PRKCE: variants seen among roughly 807,000 people sequenced by gnomAD.
The protein encoded by PRKCE is protein kinase C epsilon.
A neutral mutation model predicts 85.4 loss-of-function variants in PRKCE; 16 were observed. That is an observed-to-expected ratio of 0.19 (90% CI 0.13 to 0.28). The LOEUF is 0.28. Ranked by LOEUF, PRKCE falls within the 10% of genes least tolerant of loss-of-function variation. The pLI, the probability that PRKCE is intolerant of heterozygous loss-of-function variation, is 1.00. For synonymous variants in PRKCE, 388 were observed against 371.5 expected (o/e 1.04, Z -0.51); for missense variants, 573 against 975.2 (o/e 0.59, Z 5.49).
At chr2:45,795,851 G>A (rs910337442) in intron 1 of PRKCE, among the ~76,000 whole-genome samples, 11 of 152,148 alleles carry the variant, frequency 7.2e-5, no homozygotes, top group Non-Finnish European at 1.0e-4. Flanking sequence ...GAGACCCCCC[G>A]CAGAGTTGTC....
chr2:45,886,117 C>A (rs898534497), intron 2 of PRKCE, among the ~76,000 whole-genome samples: 2 of 152,238 alleles, frequency 1.3e-5, no homozygotes, highest in African/African-American at 4.8e-5. Flanking sequence ...GGAACTCTTA[C>A]CTGTCCGGGC....
rs79905932 is a variant in PRKCE at position 45,788,363 on chromosome 2, A to G, written c.349-54637A>G. Among the ~76,000 whole-genome samples, 1,424 of 152,328 alleles carry G rather than the reference A, an allele frequency of 9.3e-3. 22 individuals are homozygous for G. Among genetic ancestry groups the G allele is most frequent in the East Asian group, 0.021 (111 of 5,184 alleles). Reference sequence around the variant, plus strand: ...TCTTAGGAGCATCGGTAATGTTGCTATGCAGTGGCACGTTGATGTTCACAG... The same window carrying G: ...TCTTAGGAGCATCGGTAATGTTGCTGTGCAGTGGCACGTTGATGTTCACAG... On this transcript the variant is annotated intron_variant, in intron 1 of 14. Transcript: ENST00000306156.
chr2:46,172,506 C>T (rs551759397), intron 14 of PRKCE, among the ~76,000 whole-genome samples: 7 of 151,918 alleles, frequency 4.6e-5, no homozygotes, highest in South Asian at 2.1e-4. Context: ...CGTGCCTGGG[C>T]GGCCCTGGGA....
chr2:45,989,973 T>C (rs751735594), intron 6 of PRKCE, among the ~76,000 whole-genome samples: 1 of 152,220 alleles, frequency 6.6e-6, no homozygotes, highest in Non-Finnish European at 1.5e-5. Flanking sequence ...AAATGTCCTC[T>C]TTTTGTGTGC....
chr2:46,031,404 C>T (rs1308951384), intron 10 of PRKCE, among the ~76,000 whole-genome samples: 1 of 152,170 alleles, frequency 6.6e-6, no homozygotes, highest in Non-Finnish European at 1.5e-5. Context: ...TCACATCCCG[C>T]CTCTTCCACA....
intron 2 of PRKCE, among the ~76,000 whole-genome samples, chr2:45,935,057 A>ACTCTCT (rs764371155): frequency 1.0e-4 from 15 of 146,118 alleles, no homozygotes; most frequent in Non-Finnish European, 1.1e-4. Flanking sequence ...CGAGACACTC[A>ACTCTCT]CTCTCTCTCT....
At chr2:45,869,226 A>G (rs1278703939) in intron 2 of PRKCE, among the ~76,000 whole-genome samples, 1 of 152,258 alleles carries the variant, frequency 6.6e-6, no homozygotes, top group East Asian at 1.9e-4. Context: ...TTAATGACTG[A>G]AGATTCATGA....
chr2:46,002,324 C>T (rs773248977), intron 7 of PRKCE, among the ~76,000 whole-genome samples: 1 of 152,154 alleles, frequency 6.6e-6, no homozygotes, highest in Non-Finnish European at 1.5e-5. Flanking sequence ...TGCAGTGGGG[C>T]GTGGCCCTCA....
At chr2:45,983,749 C>G (rs944628405) in intron 5 of PRKCE, among the ~76,000 whole-genome samples, 1 of 152,070 alleles carries the variant, frequency 6.6e-6, no homozygotes, top group Non-Finnish European at 1.5e-5. Flanking sequence ...CCTTAGCATT[C>G]TTAGTGCTCA....
Position 46,136,594 on chromosome 2 carries a change from G to A in PRKCE, c.1593-8499G>A, listed in dbSNP as rs180762162. ...TATCTGCAAACCTATGATGATACCC[G>A]CTGCCCAGGGCTGTTGTGGGAAGGA... On this transcript the variant is annotated intron_variant, in intron 11 of 14. Coordinates refer to ENST00000306156, the MANE Select transcript of PRKCE (RefSeq NM_005400.3). Among the ~76,000 whole-genome samples, 356 of 152,120 alleles carry A rather than the reference G, an allele frequency of 2.3e-3. 1 individual carries two copies. Among genetic ancestry groups the A allele is most frequent in the Middle Eastern group, 6.8e-3 (2 of 294 alleles).
chr2:46,114,407 CTTTTTTTTT>C (rs36107970), intron 11 of PRKCE, among the ~76,000 whole-genome samples: 1 of 47,682 alleles, frequency 2.1e-5, no homozygotes, highest in African/African-American at 9.9e-5. Flanking sequence ...GAGTCCAAGG[CTTTTTTTTT>C]TTTTTTTTTT....
chr2:45,743,869 T>A (rs1293463551), intron 1 of PRKCE, among the ~76,000 whole-genome samples: 2 of 152,086 alleles, frequency 1.3e-5, no homozygotes, highest in African/African-American at 2.4e-5. Flanking sequence ...ACTGGCCTGG[T>A]CAGAGATGGC....
intron 2 of PRKCE, among the ~76,000 whole-genome samples, chr2:45,908,905 A>G (rs971720131): frequency 6.6e-6 from 1 of 152,144 alleles, no homozygotes; most frequent in Non-Finnish European, 1.5e-5. Context: ...TGAGCCCCGC[A>G]GTCCTCTATT....
rs1293610627 is a variant in PRKCE, at chr2:46,142,014, C to T, written c.1593-3079C>T. The stretch of plus-strand genomic sequence containing the variant: ...ACAGGTCCCTAGCAAAGAGGCAGCA[C>T]TGAAAACATACAGGCAGGAGACTCC... On this transcript the variant is annotated intron_variant, in intron 11 of 14. Coordinates refer to ENST00000306156, the MANE Select transcript of PRKCE (RefSeq NM_005400.3). 2.0e-5 allele frequency among the ~76,000 whole-genome samples: 3 copies of T among 152,182 alleles called. No homozygotes were observed. In the East Asian group the frequency reaches 5.8e-4, roughly 29 times the overall value.
intron 1 of PRKCE, among the ~76,000 whole-genome samples, chr2:45,766,541 T>G (rs1684926934): frequency 1.3e-5 from 2 of 152,196 alleles, no homozygotes; most frequent in Non-Finnish European, 1.5e-5. Context: ...GAGGGAAGCA[T>G]GATAAACAAA....
intron 1 of PRKCE, among the ~76,000 whole-genome samples, chr2:45,802,947 C>G (rs190877204): frequency 6.6e-6 from 1 of 152,214 alleles, no homozygotes; most frequent in Non-Finnish European, 1.5e-5. Flanking sequence ...GCAATGTCAC[C>G]TTTTTACCGA....
intron 11 of PRKCE, among the ~76,000 whole-genome samples, chr2:46,115,596 C>T (rs924350873): frequency 6.6e-6 from 1 of 152,224 alleles, no homozygotes; most frequent in Admixed American, 6.5e-5. Context: ...GGTATCTGGC[C>T]ATTGCTGCAT....
chr2:45,676,917 G>T (rs953858488), intron 1 of PRKCE: 1 of 152,232 alleles, frequency 6.6e-6, no homozygotes, highest in Admixed American at 6.5e-5. Flanking sequence ...GAGGGCTCAT[G>T]CTCCAATTGG....
At chr2:45,832,279 C>T (rs1489470334) in intron 1 of PRKCE, among the ~76,000 whole-genome samples, 1 of 150,308 alleles carries the variant, frequency 6.7e-6, no homozygotes, top group Non-Finnish European at 1.5e-5. Flanking sequence ...AATGAAGGAG[C>T]ATTACTCTCA....
Sources: allele counts gnomAD v4.1 joint callset (sites outside exome capture counted in the v4.1 genomes callset), GRCh38; gene constraint gnomAD v4.1.1; transcripts MANE v1.5; gene names NCBI Gene and HGNC (gene_info 2026-07-23, HGNC 2026-07-21).